Variants in LYPD6 observed in about 807,000 individuals in gnomAD.
LYPD6 encodes ly6/PLAUR domain-containing protein 6.
Under a neutral mutation model 22.7 loss-of-function variants are expected in LYPD6, and 15 were observed. That is an observed-to-expected ratio of 0.66 (90% CI 0.44 to 1.02). The LOEUF (loss-of-function observed/expected upper bound fraction) is 1.02. LYPD6 is among the 50% of genes least tolerant of loss of function. The pLI, the probability that LYPD6 is intolerant of heterozygous loss-of-function variation, is 0.00. For missense variants in LYPD6, 189 were observed against 208.4 expected (o/e 0.91, Z 0.57); for synonymous variants, 72 against 77.5 (o/e 0.93, Z 0.37).
At chr2:149,483,740 G>A in the LYPD6 span, among the ~76,000 whole-genome samples, 1 of 152,160 alleles carries the variant, frequency 6.6e-6, no homozygotes, top group Non-Finnish European at 1.5e-5. Flanking sequence ...TTACATTGCA[G>A]CCCATAAATT....
chr2:149,456,140 C>T (rs752523330), intron 3 of LYPD6, among the ~76,000 whole-genome samples: 13 of 152,162 alleles, frequency 8.5e-5, no homozygotes, highest in Admixed American at 1.3e-4. Flanking sequence ...TGCCTGAAAG[C>T]GGAGACTGTA....
chr2:149,458,489 A>G (rs1031812398), intron 3 of LYPD6, among the ~76,000 whole-genome samples: 1 of 152,224 alleles, frequency 6.6e-6, no homozygotes, highest in Admixed American at 6.5e-5. Flanking sequence ...AACAGGGAGT[A>G]TAAGATCAAG....
At chr2:149,391,491 G>A (rs1187750890) in intron 1 of LYPD6, among the ~76,000 whole-genome samples, 3 of 151,768 alleles carry the variant, frequency 2.0e-5, no homozygotes, top group Non-Finnish European at 4.4e-5. Context: ...TTTTGTTACT[G>A]GAGCTGTGTG....
chr2:149,418,769 C>T (rs1011420327), intron 1 of LYPD6, among the ~76,000 whole-genome samples: 6 of 152,206 alleles, frequency 3.9e-5, no homozygotes, highest in Non-Finnish European at 7.3e-5. Context: ...CTTCAGCACC[C>T]AGCTTTCACA....
At chr2:149,434,990 A>AC (rs1367590385) in intron 1 of LYPD6, among the ~76,000 whole-genome samples, 1 of 152,240 alleles carries the variant, frequency 6.6e-6, no homozygotes, top group African/African-American at 2.4e-5. Context: ...TTGAAGCCTA[A>AC]CCCCTGGTAT....
At chr2:149,427,400 CAATA>C (rs1683209206) in intron 1 of LYPD6, among the ~76,000 whole-genome samples, 1 of 152,152 alleles carries the variant, frequency 6.6e-6, no homozygotes. Context: ...CACCCCCTCC[CAATA>C]AATAAAAAAT....
Position 149,358,770 on chromosome 2 carries a change from A to G in LYPD6, c.-72+28048A>G, listed in dbSNP as rs1681515949. Among the ~76,000 whole-genome samples the G allele has an allele frequency of 2.0e-5, 3 of 152,080 alleles. No homozygotes were observed. In the South Asian group the frequency reaches 6.2e-4, roughly 32 times the overall value. On this transcript the variant is annotated intron_variant, in intron 1 of 4. Transcript: ENST00000334166. ...CAGTATTAAATTTAAGAGGAGGATG[A>G]ATATTCCTGTGATTGTCAACTTGGG...
chr2:149,414,639 CTTGGCCCGTA>C (rs1009201816), intron 1 of LYPD6, among the ~76,000 whole-genome samples: 17 of 152,236 alleles, frequency 1.1e-4, no homozygotes, highest in Non-Finnish European at 2.4e-4. Flanking sequence ...TAGCACAGGG[CTTGGCCCGTA>C]TTGAATTCTC....
intron 2 of LYPD6, among the ~76,000 whole-genome samples, chr2:149,447,133 C>CT (rs1402206832): frequency 6.6e-6 from 1 of 152,140 alleles, no homozygotes; most frequent in African/African-American, 2.4e-5. Context: ...AGGCAAAACT[C>CT]TAAGTAGTGA....
In LYPD6 at chr2:149,448,998, A is replaced by G. The variant is rs1440686988; in HGVS notation, c.119-51A>G. 3 of 1,349,402 alleles carry G rather than the reference A, an allele frequency of 2.2e-6. No homozygotes were observed. In the East Asian group the frequency reaches 7.1e-5, roughly 32 times the overall value. 83.6% of individuals were successfully genotyped at this position (1,349,402 alleles called of 1,614,324 possible). A position where few individuals can be genotyped will look rare whatever the true frequency, so the allele number is the denominator to read the frequency against. Reference sequence around the variant, plus strand: ...AATGAAAATGTCTTAACTTCACAGGATTCTGTGCCTTGTCTAAAAATTAAT... The same window carrying G: ...AATGAAAATGTCTTAACTTCACAGGGTTCTGTGCCTTGTCTAAAAATTAAT... On this transcript the variant is annotated intron_variant, in intron 2 of 4. Coordinates refer to ENST00000334166, the MANE Select transcript of LYPD6 (RefSeq NM_194317.5).
chr2:149,449,502 A>T (rs1683762911), intron 3 of LYPD6, among the ~76,000 whole-genome samples: 1 of 152,312 alleles, frequency 6.6e-6, no homozygotes, highest in Middle Eastern at 3.4e-3. Flanking sequence ...GTATGAATTG[A>T]TGTTCATATA....
intron 1 of LYPD6, among the ~76,000 whole-genome samples, chr2:149,368,357 G>T (rs1416298866): frequency 6.6e-6 from 1 of 152,112 alleles, no homozygotes; most frequent in Admixed American, 6.6e-5. Context: ...GAGTTTAGGG[G>T]ACTTCTTGGA....
chr2:149,413,923 T>C (rs989149405), intron 1 of LYPD6, among the ~76,000 whole-genome samples: 1 of 152,254 alleles, frequency 6.6e-6, no homozygotes, highest in African/African-American at 2.4e-5. Context: ...ACATATCTTA[T>C]AACCTTTACA....
intron 1 of LYPD6, among the ~76,000 whole-genome samples, chr2:149,424,538 A>C (rs1172264292): frequency 6.6e-6 from 1 of 152,200 alleles, no homozygotes; most frequent in African/African-American, 2.4e-5. Context: ...GTCCTTACGA[A>C]ATAAGGCCTG....
intron 3 of LYPD6, among the ~76,000 whole-genome samples, chr2:149,457,191 T>C (rs951565911): frequency 6.6e-5 from 10 of 152,228 alleles, no homozygotes; most frequent in Non-Finnish European, 1.5e-4. Flanking sequence ...CATGATAGTA[T>C]ATGAAAATTG....
intron 3 of LYPD6, among the ~76,000 whole-genome samples, chr2:149,451,702 C>G (rs886553760): frequency 2.0e-5 from 3 of 152,168 alleles, no homozygotes; most frequent in African/African-American, 7.2e-5. Flanking sequence ...GGTCTCTACA[C>G]AATTTATCCT....
intron 3 of LYPD6, among the ~76,000 whole-genome samples, chr2:149,465,642 G>A (rs1387416070): frequency 6.6e-6 from 1 of 152,096 alleles, no homozygotes; most frequent in African/African-American, 2.4e-5. Context: ...TGTATGTTTT[G>A]TTTAAATATA....
At chr2:149,402,233 C>CGTGTGTGTGT (rs146124855) in intron 1 of LYPD6, among the ~76,000 whole-genome samples, 1,854 of 145,622 alleles carry the variant, frequency 0.013, 35 homozygotes, top group African/African-American at 0.044. Context: ...TGTGTGTTTG[C>CGTGTGTGTGT]GTGTGTGTGT....
chr2:149,463,389 A>G (rs1240931466), intron 3 of LYPD6, among the ~76,000 whole-genome samples: 7 of 152,192 alleles, frequency 4.6e-5, no homozygotes, highest in Non-Finnish European at 8.8e-5. Context: ...GCCACATGCT[A>G]GTAAAAAGGA....
Sources: allele counts gnomAD v4.1 joint callset (sites outside exome capture counted in the v4.1 genomes callset), GRCh38; gene constraint gnomAD v4.1.1; transcripts MANE v1.5; gene names NCBI Gene and HGNC (gene_info 2026-07-23, HGNC 2026-07-21).